CLIP2: variants seen among roughly 807,000 people sequenced by gnomAD.
CLIP2 encodes CAP-Gly domain-containing linker protein 2.
A neutral mutation model predicts 111.7 loss-of-function variants in CLIP2; 41 were observed. That is an observed-to-expected ratio of 0.37 (90% CI 0.29 to 0.48). The LOEUF is 0.48. Among genes scored for constraint, CLIP2 ranks in the 20% least tolerant of loss-of-function variants. The pLI is 0.99. For missense variants in CLIP2, 1,160 were observed against 1,422.1 expected (o/e 0.82, Z 2.96); for synonymous variants, 660 against 644.2 (o/e 1.02, Z -0.37).
At chr7:74,290,487 G>C (rs1253283670) in intron 1 of CLIP2, among the ~76,000 whole-genome samples, 1 of 152,252 alleles carries the variant, frequency 6.6e-6, no homozygotes, top group Non-Finnish European at 1.5e-5. Context: ...CTTGGGCCGA[G>C]CGGGTGCCCA....
intron 1 of CLIP2, among the ~76,000 whole-genome samples, chr7:74,290,339 AG>A (rs1170083829): frequency 2.0e-5 from 3 of 152,178 alleles, no homozygotes. Context: ...GGCTTCTCTC[AG>A]GGGGTGTCCC....
chr7:74,356,662 G>T, intron 5 of CLIP2, 39 bp downstream of exon 5: 1 of 1,559,492 alleles, frequency 6.4e-7, no homozygotes. Flanking sequence ...TCTGGTGTGC[G>T]TTTGGGAGGG....
At chr7:74,321,318 A>G (rs1788945903) in intron 2 of CLIP2, among the ~76,000 whole-genome samples, 1 of 152,092 alleles carries the variant, frequency 6.6e-6, no homozygotes, top group Non-Finnish European at 1.5e-5. Context: ...TCATCACTGC[A>G]CAGCCTAACC....
rs1373189704 is a variant in CLIP2, at chr7:74,336,260, G to T, written c.122-2188G>T. 2.0e-5 allele frequency among the ~76,000 whole-genome samples: 3 copies of T among 151,864 alleles called. No homozygotes were observed. The Admixed American group carries it at 2.0e-4, about 10-fold the overall frequency. On this transcript the variant is annotated intron_variant, in intron 2 of 16. Transcript: ENST00000223398. ...TTTTTGTATTTTCAGTAGAGATGGGGTTTCCCCATGTTGGCCAGGCTGGTC... is the reference window on the plus strand; with the variant it reads ...TTTTTGTATTTTCAGTAGAGATGGGTTTTCCCCATGTTGGCCAGGCTGGTC...
Position 74,349,470 on chromosome 7 carries a change from GTATATATATATATATA to G in CLIP2, c.679-4384_679-4369del, listed in dbSNP as rs1158400867. On this transcript the variant is annotated intron_variant, in intron 3 of 16. Coordinates refer to ENST00000223398, the MANE Select transcript of CLIP2 (RefSeq NM_003388.5). ...AAAGTATGTATGTGTGTGTGTGTGT[GTATATATATATATATA>G]TATATATATATATATATATATATAT... is the stretch of plus-strand genomic sequence containing the variant. Among the ~76,000 whole-genome samples, 75 of 33,794 alleles carry G rather than the reference GTATATATATATATATA, an allele frequency of 2.2e-3. 1 individual carries two copies. In the South Asian group the frequency reaches 0.045, roughly 20 times the overall value. 22.2% of individuals were successfully genotyped at this position (33,794 alleles called of 152,430 possible).
Position 74,405,830 on chromosome 7 carries a change from T to G in CLIP2, c.*1982T>G, listed in dbSNP as rs1341246819. On this transcript the variant is annotated 3_prime_UTR_variant, in exon 17 of 17. Transcript: ENST00000223398. ...TGGCCGCCCGGGTGTGGCTCAGCCATGTCCCCTCCCCAGGTCCTTCATTCA... is the reference window on the plus strand; with the variant it reads ...TGGCCGCCCGGGTGTGGCTCAGCCAGGTCCCCTCCCCAGGTCCTTCATTCA... 6.6e-6 allele frequency: 1 copy of G among 152,646 alleles called. No individual in the cohort carries two copies. The highest frequency in any genetic ancestry group is 1.5e-5 in the Non-Finnish European group (1 of 68,092). 9.5% of individuals were successfully genotyped at this position (152,646 alleles called of 1,614,324 possible).
At chr7:74,307,801 C>G (rs916770900) in intron 1 of CLIP2, among the ~76,000 whole-genome samples, 28 of 152,108 alleles carry the variant, frequency 1.8e-4, no homozygotes, top group African/African-American at 6.8e-4. Context: ...ACAGTAGGTT[C>G]TTCATACTGG....
At chr7:74,400,111 CT>C (rs1791577352) in intron 14 of CLIP2, among the ~76,000 whole-genome samples, 1 of 147,568 alleles carries the variant, frequency 6.8e-6, no homozygotes, top group South Asian at 2.2e-4. Flanking sequence ...GATCGCGCCA[CT>C]GCACTCCAGC....
In CLIP2 at chr7:74,347,605, G is replaced by A. The variant is rs192261062; in HGVS notation, c.679-6275G>A. ...CTCTAAGTCCCCCTTACCCCCACGC[G>A]GCTCCCTGAGCCCTGGCGGCCACGC... On this transcript the variant is annotated intron_variant, in intron 3 of 16. Transcript: ENST00000223398. Among the ~76,000 whole-genome samples the A allele has an allele frequency of 3.9e-5, 6 of 152,242 alleles. No individual in the cohort carries two copies. In the East Asian group the frequency reaches 5.8e-4, roughly 15 times the overall value.
chr7:74,390,620 G>A (rs1461533504), intron 13 of CLIP2, among the ~76,000 whole-genome samples: 1 of 152,080 alleles, frequency 6.6e-6, no homozygotes, highest in Admixed American at 6.6e-5. Context: ...GTGAGCCAAG[G>A]TCTTGCTACT....
intron 10 of CLIP2, among the ~76,000 whole-genome samples, 189 bp downstream of exon 10, chr7:74,377,011 C>T (rs1430698056): frequency 4.6e-5 from 7 of 152,102 alleles, no homozygotes; most frequent in African/African-American, 1.2e-4. Context: ...AGGGGCAGTG[C>T]GCCCTGGTGA....
intron 3 of CLIP2, among the ~76,000 whole-genome samples, chr7:74,342,848 C>T (rs1554305612): frequency 6.6e-6 from 1 of 151,828 alleles, no homozygotes; most frequent in Non-Finnish European, 1.5e-5. Flanking sequence ...GAGATCGAGA[C>T]CATGGTGAAA....
intron 1 of CLIP2, among the ~76,000 whole-genome samples, chr7:74,311,062 C>A (rs1348971781): frequency 2.0e-5 from 3 of 151,554 alleles, no homozygotes; most frequent in Non-Finnish European, 4.4e-5. Context: ...TCATTGCAAG[C>A]TCTGCCCCCT....
In CLIP2 at chr7:74,375,951, G is replaced by A. The variant is rs199826254; in HGVS notation, c.1550G>A (p.Gly517Asp). The A allele has an allele frequency of 2.5e-6, 4 of 1,605,658 alleles. No individual in the cohort carries two copies. The highest frequency in any genetic ancestry group is 2.5e-6 in the Non-Finnish European group (3 of 1,177,006). Residue 517 changes from glycine to aspartate, a missense_variant, in exon 10 of 17, where the codon GGT becomes GAT. Around this residue, in one of 5 missense-constraint regions of CLIP2, gnomAD observed 676 missense variants for 777.8 expected, o/e 0.87. Coordinates refer to ENST00000223398, the MANE Select transcript of CLIP2 (RefSeq NM_003388.5). ...QLEEELTLRRGEIEELQQCLL... is the reference protein window; with the variant it reads ...QLEEELTLRRDEIEELQQCLL... The stretch of plus-strand genomic sequence containing the variant: ...GAGGAGGAGCTCACCCTGCGCCGAG[G>A]TGAAATCGAGGAGCTCCAGCAGTGC...
chr7:74,290,339 A>G (rs985389275), intron 1 of CLIP2, among the ~76,000 whole-genome samples: 13 of 152,296 alleles, frequency 8.5e-5, no homozygotes, highest in Non-Finnish European at 1.8e-4. Context: ...GGCTTCTCTC[A>G]GGGGGTGTCC....
chr7:74,299,364 TAAAG>T (rs1426041119), intron 1 of CLIP2, among the ~76,000 whole-genome samples: 41 of 131,452 alleles, frequency 3.1e-4, no homozygotes, highest in Admixed American at 2.8e-3. Flanking sequence ...AATAAATAAA[TAAAG>T]GCCCTGCCTT....
At chr7:74,324,028 C>A (rs1178046492) in intron 2 of CLIP2, among the ~76,000 whole-genome samples, 1 of 151,932 alleles carries the variant, frequency 6.6e-6, no homozygotes, top group African/African-American at 2.4e-5. Flanking sequence ...GAGATGGAAT[C>A]TCGCTCTTTC....
At chr7:74,299,999 T>C (rs1554726568) in intron 1 of CLIP2, among the ~76,000 whole-genome samples, 3 of 151,208 alleles carry the variant, frequency 2.0e-5, no homozygotes, top group Non-Finnish European at 4.4e-5. Flanking sequence ...ACCCAGCTTT[T>C]TTTTTGGACG....
chr7:74,371,683 A>AC (rs1434468636), intron 8 of CLIP2, among the ~76,000 whole-genome samples: 2 of 112,590 alleles, frequency 1.8e-5, no homozygotes, highest in African/African-American at 7.4e-5. Flanking sequence ...AGGGAGAGAG[A>AC]CGGGGGGGAG....
Sources: gnomAD v4.1 joint callset for allele counts (sites outside exome capture counted in the v4.1 genomes callset) on GRCh38, gnomAD v4.1.1 for gene constraint, gnomAD v4.1.1 regional missense constraint, MANE v1.5 for transcripts, NCBI Gene and HGNC (gene_info 2026-07-23, HGNC 2026-07-21) for gene names.